EPSTI1: variants seen among roughly 807,000 people sequenced by gnomAD.
EPSTI1 encodes epithelial-stromal interaction protein 1.
In EPSTI1, 66 loss-of-function variants were observed where a neutral mutation model predicts 49.9. The observed-to-expected ratio is 1.32, with a 90% confidence interval of 1.08 to 1.62. The LOEUF (loss-of-function observed/expected upper bound fraction) is 1.62. Among genes scored for constraint, EPSTI1 ranks in the 40% most tolerant of loss-of-function variants. EPSTI1 has a pLI of 0.00. For synonymous variants in EPSTI1, 137 were observed against 130.7 expected, an observed-to-expected ratio of 1.05 and a Z score of -0.33; for missense variants, 394 against 365.5, an observed-to-expected ratio of 1.08 and a Z score of -0.64.
chr13:42,950,731 G>T (rs1427909921), intron 6 of EPSTI1, among the ~76,000 whole-genome samples: 1 of 152,192 alleles, frequency 6.6e-6, no homozygotes, highest in Non-Finnish European at 1.5e-5. Context: ...GCAAAGTATT[G>T]ACTGGTTTGA....
chr13:42,918,617 T>C (rs1435692975), intron 7 of EPSTI1, among the ~76,000 whole-genome samples: 1 of 152,144 alleles, frequency 6.6e-6, no homozygotes, highest in Non-Finnish European at 1.5e-5. Flanking sequence ...TCCCATCAAA[T>C]AATAAGAACC....
chr13:42,976,256 T>C (rs996075138), intron 1 of EPSTI1, among the ~76,000 whole-genome samples: 2 of 152,212 alleles, frequency 1.3e-5, no homozygotes, highest in Non-Finnish European at 2.9e-5. Flanking sequence ...CATGGTGTGT[T>C]TGCATTGCAG....
chr13:42,963,633 TG>T, intron 4 of EPSTI1: 1 of 359,752 alleles, frequency 2.8e-6, no homozygotes, highest in Admixed American at 4.5e-5. Flanking sequence ...GTGTGTGTAT[TG>T]GGGAGGGAAA....
chr13:42,927,790 C>T (rs944739514), intron 6 of EPSTI1, among the ~76,000 whole-genome samples: 2 of 152,162 alleles, frequency 1.3e-5, no homozygotes, highest in Non-Finnish European at 2.9e-5. Context: ...CCAGAATAGA[C>T]AAGGAGACTA....
intron 1 of EPSTI1, among the ~76,000 whole-genome samples, chr13:42,986,893 T>C (rs1171471100): frequency 1.3e-5 from 2 of 152,008 alleles, no homozygotes; most frequent in East Asian, 3.9e-4. Context: ...TCTTGAACTA[T>C]AAGGTTTGGG....
chr13:42,951,597 G>T (rs2153428268), intron 6 of EPSTI1, among the ~76,000 whole-genome samples: 1 of 152,296 alleles, frequency 6.6e-6, no homozygotes, highest in Admixed American at 6.5e-5. Context: ...AAGGGTGATT[G>T]ATCTTCTGTA....
intron 8 of EPSTI1, among the ~76,000 whole-genome samples, chr13:42,906,424 A>C (rs1298569096): frequency 1.3e-5 from 2 of 152,228 alleles, no homozygotes; most frequent in African/African-American, 4.8e-5. Flanking sequence ...GCATGTTCCG[A>C]CATGGTTCAG....
intron 6 of EPSTI1, among the ~76,000 whole-genome samples, chr13:42,933,329 AAAAG>A (rs1182584357): frequency 6.6e-6 from 1 of 151,776 alleles, no homozygotes; most frequent in Non-Finnish European, 1.5e-5. Flanking sequence ...AAAAAAAAAA[AAAAG>A]AGTCTGCCTC....
intron 1 of EPSTI1, among the ~76,000 whole-genome samples, chr13:42,987,617 G>A (rs1343383285): frequency 1.3e-5 from 2 of 152,020 alleles, no homozygotes; most frequent in Non-Finnish European, 2.9e-5. Context: ...TAGTGTTAGT[G>A]TATTTTGTGT....
Position 42,980,721 on chromosome 13 carries a change from A to C in EPSTI1, c.189-10051T>G, listed in dbSNP as rs1285045057. Among the ~76,000 whole-genome samples, 4 of 152,172 alleles carry C rather than the reference A, an allele frequency of 2.6e-5. No homozygotes were observed. In the East Asian group the frequency reaches 5.8e-4, roughly 22 times the overall value. ...TCATGGCCCTAGGTTTTCTACTTGG[A>C]ATAAAGAGTCAAAGAGTGCAATCTG... On this transcript the variant is annotated intron_variant, in intron 1 of 10. Coordinates refer to ENST00000313624, the MANE Select transcript of EPSTI1 (RefSeq NM_033255.5).
At chr13:42,927,880 G>C (rs1297327216) in intron 6 of EPSTI1, among the ~76,000 whole-genome samples, 1 of 152,196 alleles carries the variant, frequency 6.6e-6, no homozygotes, top group Non-Finnish European at 1.5e-5. Flanking sequence ...AAAGAAGAGT[G>C]ATGCCAGAAG....
At chr13:42,927,393 T>C (rs1396734807) in intron 6 of EPSTI1, among the ~76,000 whole-genome samples, 2 of 152,204 alleles carry the variant, frequency 1.3e-5, no homozygotes, top group South Asian at 2.1e-4. Context: ...ACATACCTCA[T>C]TGAGCACTGA....
At chr13:42,982,664 A>C (rs953001638) in intron 1 of EPSTI1, among the ~76,000 whole-genome samples, 2 of 152,234 alleles carry the variant, frequency 1.3e-5, no homozygotes, top group Non-Finnish European at 2.9e-5. Flanking sequence ...CTCTATTCAA[A>C]TCATTTTAAA....
chr13:42,976,732 TG>T lies in EPSTI1; in HGVS notation c.189-6063del, dbSNP rs2039889308. ...ACTTAGAAATGAAATTCATGTTTTC[TG>T]ATTTTGAAAGAAACATACTTGTAAA... On this transcript the variant is annotated intron_variant, in intron 1 of 10. Transcript: ENST00000313624. Among the ~76,000 whole-genome samples the T allele has an allele frequency of 2.6e-5, 4 of 152,252 alleles. No homozygotes were observed. The South Asian group carries it at 8.3e-4, about 31-fold the overall frequency.
chr13:42,945,986 G>C (rs56011617), intron 6 of EPSTI1, among the ~76,000 whole-genome samples: 4,701 of 152,264 alleles, frequency 0.031, 169 homozygotes, highest in South Asian at 0.098. Context: ...TGAATAGGAT[G>C]ACTTTCTATT....
chr13:42,961,101 A>T (rs1375981950), intron 5 of EPSTI1, among the ~76,000 whole-genome samples: 1 of 152,214 alleles, frequency 6.6e-6, no homozygotes, highest in African/African-American at 2.4e-5. Flanking sequence ...ACAATAGGCC[A>T]GCTATTTCCC....
chr13:42,931,894 T>A (rs961877421), intron 6 of EPSTI1, among the ~76,000 whole-genome samples: 2 of 146,292 alleles, frequency 1.4e-5, no homozygotes, highest in African/African-American at 5.6e-5. Context: ...TACATAAATA[T>A]TTTTTCTAAG....
intron 9 of EPSTI1, among the ~76,000 whole-genome samples, chr13:42,896,921 A>G (rs568114550): frequency 1.2e-4 from 18 of 152,136 alleles, no homozygotes; most frequent in Admixed American, 5.2e-4. Flanking sequence ...CCAACCTGGC[A>G]AAACCTCATC....
chr13:42,957,847 T>G (rs373959634), intron 5 of EPSTI1, among the ~76,000 whole-genome samples: 16 of 152,368 alleles, frequency 1.1e-4, no homozygotes, highest in African/African-American at 3.8e-4. Context: ...GTGCTGGGAT[T>G]GCAGGCATGA....
Sources: gnomAD v4.1 joint callset for allele counts (sites outside exome capture counted in the v4.1 genomes callset) on GRCh38, gnomAD v4.1.1 for gene constraint, MANE v1.5 for transcripts, NCBI Gene and HGNC (gene_info 2026-07-23, HGNC 2026-07-21) for gene names.